DCAF6: variants seen among roughly 807,000 people sequenced by gnomAD.
The protein encoded by DCAF6 is DDB1- and CUL4-associated factor 6.
DCAF6 carries 54 observed loss-of-function variants against 125.1 expected under a neutral mutation model. The observed-to-expected ratio is 0.43, with a 90% CI of 0.35 to 0.54. The LOEUF (loss-of-function observed/expected upper bound fraction) is 0.54, where lower values mean the gene tolerates loss of function less well. Ranked by LOEUF, DCAF6 falls within the 20% of genes least tolerant of loss-of-function variation. The probability of loss-of-function intolerance (pLI) is 0.01; values close to 1 mark genes in which losing one functional copy is unlikely to be tolerated. For synonymous variants in DCAF6, 371 were observed against 390.4 expected (o/e 0.95, Z 0.58); for missense variants, 934 against 1,161.7 (o/e 0.80, Z 2.85).
chr1:167,904,082 C>CTTTTT, the DCAF6 span: 29 of 363,700 alleles, frequency 8.0e-5, no homozygotes, highest in African/African-American at 1.2e-4. Flanking sequence ...CGGGCCTCAG[C>CTTTTT]TTTTTTTTTT....
At chr1:167,902,602 T>C in the DCAF6 span, among the ~76,000 whole-genome samples, 3 of 152,252 alleles carry the variant, frequency 2.0e-5, no homozygotes, top group Non-Finnish European at 4.4e-5. Flanking sequence ...AAGCACCTGT[T>C]GTGCCAAGTC....
At chr1:168,009,389 T>TTCTTTCTTTCTTTCTC (rs1553232857) in intron 10 of DCAF6, among the ~76,000 whole-genome samples, 7,018 of 132,700 alleles carry the variant, frequency 0.053, 279 homozygotes, top group Middle Eastern at 0.061. Context: ...CTTCCTTCCT[T>TTCTTTCTTTCTTTCTC]TCTTTCTTTC....
rs569413447 is a variant in DCAF6, at chr1:168,013,036, G to T, written c.1379-2745G>T. Among the ~76,000 whole-genome samples the T allele has an allele frequency of 2.6e-5, 4 of 152,142 alleles. No homozygotes were observed. The South Asian group carries it at 8.3e-4, about 32-fold the overall frequency. On this transcript the variant is annotated intron_variant, in intron 10 of 21. Coordinates refer to ENST00000367840, the MANE Select transcript of DCAF6 (RefSeq NM_001198956.2). ...TTTTTAGCAAAATTTGACATATATG[G>T]CCTCTCTCATAGATTTCTTTTGAAG...
chr1:167,874,868 T>C, the DCAF6 span, among the ~76,000 whole-genome samples: 1 of 152,212 alleles, frequency 6.6e-6, no homozygotes, highest in Non-Finnish European at 1.5e-5. Flanking sequence ...ATATAAGCCG[T>C]ATATAATTAT....
chr1:168,030,235 G>T (rs946158587), intron 12 of DCAF6, among the ~76,000 whole-genome samples: 2 of 152,168 alleles, frequency 1.3e-5, no homozygotes, highest in Non-Finnish European at 2.9e-5. Context: ...GCCAAATAAG[G>T]CATCCCTGAG....
chr1:167,957,332 T>A (rs1674937544), intron 2 of DCAF6, among the ~76,000 whole-genome samples: 1 of 152,152 alleles, frequency 6.6e-6, no homozygotes, highest in South Asian at 2.1e-4. Context: ...ATTCTGACAT[T>A]TCATATAAAT....
the DCAF6 span, among the ~76,000 whole-genome samples, chr1:167,889,097 A>G: frequency 6.6e-6 from 1 of 152,130 alleles, no homozygotes; most frequent in South Asian, 2.1e-4. Context: ...CTGATTACAT[A>G]GGACTTCCAG....
chr1:167,932,217 C>T (rs953590122), upstream of DCAF6, among the ~76,000 whole-genome samples: 4 of 151,840 alleles, frequency 2.6e-5, no homozygotes, highest in Non-Finnish European at 4.4e-5. Context: ...GAACATATGC[C>T]CTATCAGTAA....
chr1:167,976,503 T>G (rs1678197729), intron 4 of DCAF6, among the ~76,000 whole-genome samples: 1 of 152,158 alleles, frequency 6.6e-6, no homozygotes, highest in South Asian at 2.1e-4. Context: ...AGTCTACCTT[T>G]CGAATTACTT....
rs1213903468 is a variant in DCAF6 at position 168,020,911 on chromosome 1, C to A, written c.1550-2077C>A. Among the ~76,000 whole-genome samples the A allele has an allele frequency of 2.0e-5, 3 of 151,874 alleles. No individual in the cohort carries two copies. The East Asian group carries it at 5.8e-4, about 29-fold the overall frequency. On this transcript the variant is annotated intron_variant, in intron 11 of 21. Transcript: ENST00000367840. ...TTACAAATAGAATGAAAGCAGTGAC[C>A]AGGAAGGATTTCTTCATAAAATTAA...
chr1:168,043,178 A>G lies in DCAF6; in HGVS notation c.1843+38A>G, dbSNP rs187433888. The G allele has an allele frequency of 6.4e-4, 933 of 1,447,102 alleles. 2 individuals are homozygous for G. The highest frequency in any genetic ancestry group is 8.3e-4 in the Non-Finnish European group (853 of 1,033,120). 89.6% of individuals were successfully genotyped at this position (1,447,102 alleles called of 1,614,324 possible). A position where few individuals can be genotyped will look rare whatever the true frequency, so the allele number is the denominator to read the frequency against. ...TTTGCTTTTGTTGTTATAAAATTGC[A>G]GCATTGGATGTTTATCTACTTTCCT... On this transcript the variant is annotated intron_variant, in intron 14 of 21. Coordinates refer to ENST00000367840, the MANE Select transcript of DCAF6 (RefSeq NM_001198956.2).
intron 12 of DCAF6, among the ~76,000 whole-genome samples, chr1:168,028,352 A>T (rs73026200): frequency 0.032 from 4,900 of 152,234 alleles, 195 homozygotes; most frequent in African/African-American, 0.094. Flanking sequence ...TTTTGAGAGG[A>T]TATAAGAAAG....
intron 10 of DCAF6, among the ~76,000 whole-genome samples, chr1:168,007,518 T>A (rs1683492144): frequency 6.6e-6 from 1 of 152,166 alleles, no homozygotes; most frequent in African/African-American, 2.4e-5. Flanking sequence ...CTGAAACTTT[T>A]AATCAAAGTC....
chr1:167,933,478 C>A (rs1054310836), upstream of DCAF6, among the ~76,000 whole-genome samples: 1 of 152,172 alleles, frequency 6.6e-6, no homozygotes, highest in African/African-American at 2.4e-5. Context: ...AAAACACATT[C>A]TTGTTACCTG....
the DCAF6 span, among the ~76,000 whole-genome samples, chr1:167,919,604 G>A: frequency 6.6e-6 from 1 of 152,094 alleles, no homozygotes; most frequent in Non-Finnish European, 1.5e-5. Flanking sequence ...AATTGAAAGT[G>A]ATAAAAGGTT....
the DCAF6 span, among the ~76,000 whole-genome samples, chr1:167,864,571 CA>C: frequency 6.7e-6 from 1 of 149,808 alleles, no homozygotes; most frequent in Non-Finnish European, 1.5e-5. Flanking sequence ...GAAACAGAGG[CA>C]AAAGGAAAGT....
chr1:167,948,977 T>C (rs541563496), intron 1 of DCAF6, among the ~76,000 whole-genome samples: 119 of 152,210 alleles, frequency 7.8e-4, no homozygotes, highest in Admixed American at 2.0e-3. Flanking sequence ...TGAGTGGTAA[T>C]ACAGATTCCA....
upstream of DCAF6, among the ~76,000 whole-genome samples, chr1:167,931,427 G>A (rs540600210): frequency 6.6e-5 from 10 of 152,050 alleles, no homozygotes; most frequent in South Asian, 2.1e-3. Flanking sequence ...TTTTACAATT[G>A]TATTTGAAAT....
the DCAF6 span, among the ~76,000 whole-genome samples, chr1:167,897,504 A>AT: frequency 6.7e-4 from 64 of 95,156 alleles, 1 homozygote; most frequent in African/African-American, 1.4e-3. Flanking sequence ...CTCAAAAAAA[A>AT]ATATATATAT....
Sources: gnomAD v4.1 joint callset for allele counts (sites outside exome capture counted in the v4.1 genomes callset) on GRCh38, gnomAD v4.1.1 for gene constraint, MANE v1.5 for transcripts, NCBI Gene and HGNC (gene_info 2026-07-23, HGNC 2026-07-21) for gene names.